The following NALF1 variants were observed in gnomAD, a reference collection of about 807,000 sequenced individuals.
NALF1 encodes the protein NALCN channel auxiliary factor 1.
A neutral mutation model predicts 48.4 loss-of-function variants in NALF1; 3 were observed. The ratio of observed to expected loss-of-function variants is 0.06; its 90% CI spans 0.03 to 0.16. NALF1 has a LOEUF of 0.16. Ranked by LOEUF, NALF1 falls within the 10% of genes least tolerant of loss-of-function variation. The pLI is 1.00. For missense variants in NALF1, 526 were observed against 571.5 expected (o/e 0.92, Z 0.81); for synonymous variants, 262 against 245.7 (o/e 1.07, Z -0.62).
chr13:107,280,920 C>T (rs988326022), intron 1 of NALF1, among the ~76,000 whole-genome samples: 1 of 152,142 alleles, frequency 6.6e-6, no homozygotes, highest in African/African-American at 2.4e-5. Context: ...AAAGTTGTAT[C>T]CCTTTGTATT....
At chr13:107,372,962 T>C (rs1274158982) in intron 1 of NALF1, among the ~76,000 whole-genome samples, 4 of 102,074 alleles carry the variant, frequency 3.9e-5, no homozygotes, top group African/African-American at 1.2e-4. Flanking sequence ...ACTGCTAGCA[T>C]CTGTTAATGA....
chr13:107,865,578 AC>A, intron 1 of NALF1, 103 bp downstream of exon 1: 1 of 1,464,644 alleles, frequency 6.8e-7, no homozygotes, highest in African/African-American at 1.4e-5. Flanking sequence ...ACACAAAGTA[AC>A]AAAACCATAG....
In NALF1 at chr13:107,606,923, G is replaced by A. The variant is rs9555388; in HGVS notation, c.915+258759C>T. On this transcript the variant is annotated intron_variant, in intron 1 of 2. Coordinates refer to ENST00000375915, the MANE Select transcript of NALF1 (RefSeq NM_001080396.3). ...CTCTATTCCACAGAAATTTAACATT[G>A]CTAACATTATCAAAGGTATCATTTG... Among the ~76,000 whole-genome samples the A allele has an allele frequency of 0.022, 3,363 of 152,190 alleles. 214 individuals carry two copies. The East Asian group carries it at 0.26, about 12-fold the overall frequency.
At chr13:107,326,659 T>C (rs1018036656) in intron 1 of NALF1, among the ~76,000 whole-genome samples, 2 of 152,066 alleles carry the variant, frequency 1.3e-5, no homozygotes, top group Admixed American at 1.3e-4. Context: ...TTAAAATGAG[T>C]GTTGAAGGTT....
chr13:107,767,145 G>C (rs539668017), intron 1 of NALF1, among the ~76,000 whole-genome samples: 11 of 152,098 alleles, frequency 7.2e-5, no homozygotes, highest in Non-Finnish European at 1.3e-4. Context: ...CCCTCACAAA[G>C]AAACAAAATA....
At position 107,316,029 on chromosome 13, in the gene NALF1, T is replaced by C. The variant is rs191905117; in HGVS notation, c.916-105274A>G. Among the ~76,000 whole-genome samples, 206 of 152,212 alleles carry C rather than the reference T, an allele frequency of 1.4e-3. 6 individuals carry two copies. Among genetic ancestry groups the C allele is most frequent in the Admixed American group, 0.013 (199 of 15,268 alleles). On this transcript the variant is annotated intron_variant, in intron 1 of 2. Transcript: ENST00000375915. ...TGTCATTTACATTAGGTATATCTCC[T>C]AATGCTATCCCTCCCCTCTTCCCCC... is the stretch of plus-strand genomic sequence containing the variant.
rs927547341 is a variant in NALF1, at chr13:107,708,086, G to A, written c.915+157596C>T. Among the ~76,000 whole-genome samples, 3 of 150,384 alleles carry A rather than the reference G, an allele frequency of 2.0e-5. No homozygotes were observed. In the East Asian group the frequency reaches 5.9e-4, roughly 30 times the overall value. ...ACAGTCAATTTTCTATCTAGAAAAC[G>A]CTCCTATAATTTTTTATATCAAGGT... On this transcript the variant is annotated intron_variant, in intron 1 of 2. Coordinates refer to ENST00000375915, the MANE Select transcript of NALF1 (RefSeq NM_001080396.3).
At chr13:107,375,690 A>C (rs905605196) in intron 1 of NALF1, among the ~76,000 whole-genome samples, 5 of 152,196 alleles carry the variant, frequency 3.3e-5, no homozygotes, top group Non-Finnish European at 7.3e-5. Flanking sequence ...GAGCCAATAG[A>C]ACAAAAAAGT....
intron 1 of NALF1, among the ~76,000 whole-genome samples, chr13:107,335,398 T>TGG (rs1882537740): frequency 2.0e-5 from 3 of 152,220 alleles, no homozygotes; most frequent in Admixed American, 6.5e-5. Context: ...ATCAAGTGTT[T>TGG]TGAAGCTATA....
rs183431816 is a variant in NALF1, at chr13:107,739,333, T to C, written c.915+126349A>G. Among the ~76,000 whole-genome samples the C allele has an allele frequency of 1.5e-3, 222 of 149,402 alleles. 1 individual carries two copies. Among genetic ancestry groups the C allele is most frequent in the Non-Finnish European group, 1.5e-3 (103 of 67,512 alleles). Reference sequence around the variant, plus strand: ...CACAACTTAAAGCAAAATAAAAATATATATATTTTTCATATTTTCATATAT... The same window carrying C: ...CACAACTTAAAGCAAAATAAAAATACATATATTTTTCATATTTTCATATAT... On this transcript the variant is annotated intron_variant, in intron 1 of 2. Coordinates refer to ENST00000375915, the MANE Select transcript of NALF1 (RefSeq NM_001080396.3).
intron 2 of NALF1, among the ~76,000 whole-genome samples, chr13:107,199,303 C>T (rs1879459714): frequency 6.6e-6 from 1 of 152,250 alleles, no homozygotes; most frequent in South Asian, 2.1e-4. Flanking sequence ...TCAGAAGAAA[C>T]AAAACCTTGA....
At chr13:107,701,025 A>G (rs1291759110) in intron 1 of NALF1, among the ~76,000 whole-genome samples, 1 of 152,186 alleles carries the variant, frequency 6.6e-6, no homozygotes, top group East Asian at 1.9e-4. Context: ...ACCCCAGGAC[A>G]CTGTTAATGG....
rs552279359 is a variant in NALF1, at chr13:107,647,463, GA to G, written c.915+218218del. Among the ~76,000 whole-genome samples, 322 of 130,402 alleles carry G rather than the reference GA, an allele frequency of 2.5e-3. 2 individuals carry two copies. The highest frequency in any genetic ancestry group is 6.5e-3 in the African/African-American group (232 of 35,926). The allele number at this position is 130,402 out of a possible 152,430, so 85.5% of individuals were successfully genotyped here. On this transcript the variant is annotated intron_variant, in intron 1 of 2. Transcript: ENST00000375915. ...CTTGCATGGTGTACTATGTTTTATC[GA>G]AAAAAAAAAAAAACTTAAACCTTCC...
intron 1 of NALF1, among the ~76,000 whole-genome samples, chr13:107,414,182 CTT>C (rs1884044047): frequency 1.3e-5 from 2 of 151,028 alleles, no homozygotes; most frequent in Non-Finnish European, 3.0e-5. Flanking sequence ...AAAAACTTCT[CTT>C]ATTGAAAATA....
intron 1 of NALF1, among the ~76,000 whole-genome samples, chr13:107,288,754 A>T (rs1432467297): frequency 6.9e-6 from 1 of 145,322 alleles, no homozygotes; most frequent in African/African-American, 2.6e-5. Context: ...GCTGGTCTTG[A>T]AGTCCTGACC....
At chr13:107,234,985 C>CT (rs1328849973) in intron 1 of NALF1, among the ~76,000 whole-genome samples, 1 of 152,176 alleles carries the variant, frequency 6.6e-6, no homozygotes, top group Non-Finnish European at 1.5e-5. Flanking sequence ...CCTCCTTCAG[C>CT]TTAATGATTC....
At chr13:107,325,138 C>T (rs1882327590) in intron 1 of NALF1, among the ~76,000 whole-genome samples, 1 of 152,080 alleles carries the variant, frequency 6.6e-6, no homozygotes, top group African/African-American at 2.4e-5. Flanking sequence ...TTTTTCACGT[C>T]CTAATATTAT....
chr13:107,786,136 G>A (rs973769437), intron 1 of NALF1, among the ~76,000 whole-genome samples: 160 of 152,110 alleles, frequency 1.1e-3, no homozygotes, highest in Admixed American at 3.5e-3. Flanking sequence ...AGAATTAATG[G>A]GCAGGGTGAG....
intron 1 of NALF1, among the ~76,000 whole-genome samples, chr13:107,310,858 A>C (rs1446695833): frequency 6.6e-6 from 1 of 151,946 alleles, no homozygotes; most frequent in Admixed American, 6.6e-5. Flanking sequence ...ATGGGGTTTC[A>C]CCATGTTGGT....
Sources: gnomAD v4.1 joint callset for allele counts (sites outside exome capture counted in the v4.1 genomes callset) on GRCh38, gnomAD v4.1.1 for gene constraint, MANE v1.5 for transcripts, NCBI Gene and HGNC (gene_info 2026-07-23, HGNC 2026-07-21) for gene names.